INPP5D: variants seen among roughly 807,000 people sequenced by gnomAD.
The protein encoded by INPP5D is phosphatidylinositol 3,4,5-trisphosphate 5-phosphatase 1.
INPP5D carries 33 observed loss-of-function variants against 122.9 expected under a neutral mutation model. The observed-to-expected ratio is 0.27, with a 90% CI of 0.20 to 0.36. INPP5D has a LOEUF of 0.36. Among genes scored for constraint, INPP5D ranks in the 10% least tolerant of loss-of-function variants. The pLI is 1.00. For synonymous variants in INPP5D, 584 were observed against 576.2 expected (o/e 1.01, Z -0.19); for missense variants, 1,053 against 1,412.7 (o/e 0.75, Z 4.08).
intron 1 of INPP5D, among the ~76,000 whole-genome samples, chr2:233,064,661 C>T (rs1323162774): frequency 6.6e-6 from 1 of 152,162 alleles, no homozygotes; most frequent in Non-Finnish European, 1.5e-5. Context: ...AATAAAAGGG[C>T]CAGGATTGCA....
In INPP5D at chr2:233,158,031, G is replaced by A. The variant is rs145076176; in HGVS notation, c.1031-282G>A. On this transcript the variant is annotated intron_variant, in intron 9 of 26. Coordinates refer to ENST00000445964, the MANE Select transcript of INPP5D (RefSeq NM_001017915.3). ...GGAGGAAGAAGAGGAGAAGGAAGAA[G>A]AGAGAGGGGAAGGAGGGAGGCAGGG... is the stretch of plus-strand genomic sequence containing the variant. Among the ~76,000 whole-genome samples, 94 of 152,260 alleles carry A rather than the reference G, an allele frequency of 6.2e-4. 4 individuals are homozygous for A. The highest frequency in any genetic ancestry group is 2.1e-3 in the African/African-American group (88 of 41,550).
chr2:233,061,215 C>T (rs1266156308), intron 1 of INPP5D, among the ~76,000 whole-genome samples: 4 of 147,902 alleles, frequency 2.7e-5, no homozygotes, highest in Non-Finnish European at 4.5e-5. Context: ...GCTGTGACCG[C>T]TGCCCACCCC....
intron 5 of INPP5D, among the ~76,000 whole-genome samples, chr2:233,135,607 ATTTAATAT>A (rs1693447665): frequency 6.7e-6 from 1 of 149,766 alleles, no homozygotes; most frequent in Non-Finnish European, 1.5e-5. Context: ...ATTTTTAAAT[ATTTAATAT>A]TTTAATATTT....
intron 5 of INPP5D, among the ~76,000 whole-genome samples, chr2:233,135,089 T>TAA (rs56329944): frequency 0.47 from 70,300 of 148,498 alleles, 16,776 homozygotes; most frequent in African/African-American, 0.55. Flanking sequence ...ATGTATACAA[T>TAA]AAAAAAAAAA....
Position 233,188,658 on chromosome 2 carries a change from T to A in INPP5D, c.2359-1192T>A, listed in dbSNP as rs575107504. Among the ~76,000 whole-genome samples, 3 of 152,152 alleles carry A rather than the reference T, an allele frequency of 2.0e-5. No individual in the cohort carries two copies. Among genetic ancestry groups the A allele is most frequent in the African/African-American group, 7.2e-5 (3 of 41,514 alleles). ...CTCACTGCAACCTCCGCCTCCAAGG[T>A]TCAAGCGATTTGCCTGTCTCAGCCT... On this transcript the variant is annotated intron_variant, in intron 21 of 26. Transcript: ENST00000445964. This position sits in a 1 kb window ranked among gnomAD's most constrained non-coding sequence, Gnocchi z 4.7.
intron 19 of INPP5D, among the ~76,000 whole-genome samples, 175 bp downstream of exon 19, chr2:233,182,674 G>T (rs532299795): frequency 6.6e-6 from 1 of 152,164 alleles, no homozygotes; most frequent in South Asian, 2.1e-4. Context: ...GCAGTCCAGA[G>T]AATTTACTTG....
chr2:233,145,375 A>C, intron 6 of INPP5D: 1 of 455,638 alleles, frequency 2.2e-6, no homozygotes, highest in Non-Finnish European at 4.4e-6. Context: ...CCAGTGTTGC[A>C]GTACTGAACA....
rs1391856228 is a variant in INPP5D, at chr2:233,201,010, A to AAATG, written c.2975+2634_2975+2635insAATG. ...TAAATAAATAAATAAATAAATAAAT[A>AAATG]GATGAGAGGAAGTCAGGAAGAGAGA... On this transcript the variant is annotated intron_variant, in intron 25 of 26. Coordinates refer to ENST00000445964, the MANE Select transcript of INPP5D (RefSeq NM_001017915.3). Among the ~76,000 whole-genome samples, 271 of 148,966 alleles carry AAATG rather than the reference A, an allele frequency of 1.8e-3. 1 individual carries two copies. The highest frequency in any genetic ancestry group is 6.4e-3 in the African/African-American group (257 of 40,426).
At chr2:233,081,077 G>A (rs1691675524) in intron 2 of INPP5D, among the ~76,000 whole-genome samples, 4 of 152,226 alleles carry the variant, frequency 2.6e-5, no homozygotes, top group Admixed American at 2.6e-4. Flanking sequence ...CTGGCCTAGG[G>A]CGCCCGCAGG....
chr2:233,132,550 G>C (rs1489759590), intron 5 of INPP5D, among the ~76,000 whole-genome samples: 2 of 152,236 alleles, frequency 1.3e-5, no homozygotes, highest in Non-Finnish European at 2.9e-5. Flanking sequence ...CATCAGTAAG[G>C]CGACAGCCAG....
chr2:233,112,587 G>A (rs951693326), intron 2 of INPP5D, among the ~76,000 whole-genome samples: 3 of 152,224 alleles, frequency 2.0e-5, no homozygotes, highest in Admixed American at 6.5e-5. Flanking sequence ...TCTCATTGCT[G>A]TTGGAGTGTT....
intron 5 of INPP5D, among the ~76,000 whole-genome samples, chr2:233,136,150 A>G (rs897362902): frequency 1.2e-4 from 18 of 152,212 alleles, no homozygotes; most frequent in African/African-American, 3.4e-4. Context: ...TAGAGGAAAA[A>G]CCATAGCTTT....
At chr2:233,111,278 T>C (rs1692618987) in intron 2 of INPP5D, among the ~76,000 whole-genome samples, 1 of 152,152 alleles carries the variant, frequency 6.6e-6, no homozygotes, top group Non-Finnish European at 1.5e-5. Context: ...TTCGTTCAAA[T>C]GTTTTTAGTA....
Position 233,164,072 on chromosome 2 carries a change from G to A in INPP5D, c.1437+169G>A. 1 of 1,384,390 alleles carries A rather than the reference G, an allele frequency of 7.2e-7. No individual in the cohort carries two copies. The highest frequency in any genetic ancestry group is 9.5e-7 in the Non-Finnish European group (1 of 1,050,550). The allele number at this position is 1,384,390 out of a possible 1,614,324, so 85.8% of individuals were successfully genotyped here. A position where few individuals can be genotyped will look rare whatever the true frequency, so the allele number is the denominator to read the frequency against. On this transcript the variant is annotated intron_variant, in intron 12 of 26. Transcript: ENST00000445964. The surrounding 1 kb of genome is among the most constrained non-coding windows in gnomAD (Gnocchi z 4.3). Reference sequence around the variant, plus strand: ...ATTCAGAAATAAATGGGATCTGTGGGGTATTGCTGAAAACCACTGAGTCCT... The same window carrying A: ...ATTCAGAAATAAATGGGATCTGTGGAGTATTGCTGAAAACCACTGAGTCCT...
At position 233,078,092 on chromosome 2, in the gene INPP5D, C is replaced by T. The variant is rs1431161702; in HGVS notation, c.135-1243C>T. Among the ~76,000 whole-genome samples, 2 of 152,066 alleles carry T rather than the reference C, an allele frequency of 1.3e-5. No individual in the cohort carries two copies. Among genetic ancestry groups the T allele is most frequent in the African/African-American group, 4.8e-5 (2 of 41,390 alleles). On this transcript the variant is annotated intron_variant, in intron 1 of 26. Coordinates refer to ENST00000445964, the MANE Select transcript of INPP5D (RefSeq NM_001017915.3). This position sits in a 1 kb window ranked among gnomAD's most constrained non-coding sequence, Gnocchi z 4.6. ...AAGATTATGGTGGGTGAGAACAGAC[C>T]AGCAGCTTTAAGTAAGAGCCTAAGA... is the stretch of plus-strand genomic sequence containing the variant.
intron 22 of INPP5D, among the ~76,000 whole-genome samples, chr2:233,191,111 G>T (rs1282707855): frequency 6.6e-6 from 1 of 152,216 alleles, no homozygotes; most frequent in African/African-American, 2.4e-5. Context: ...ATAAAGGAAA[G>T]AGGTGTAATT....
At chr2:233,205,837 G>T (rs1403031737) in intron 26 of INPP5D, among the ~76,000 whole-genome samples, 1 of 152,052 alleles carries the variant, frequency 6.6e-6, no homozygotes, top group Non-Finnish European at 1.5e-5. Flanking sequence ...CCAGCATTTT[G>T]GGAGGCCGAG....
At chr2:233,130,383 T>C in intron 4 of INPP5D, 125 bp from the exon 5 acceptor site, 1 of 1,043,262 alleles carries the variant, frequency 9.6e-7, no homozygotes, top group South Asian at 1.7e-5. Context: ...AACATTCTTC[T>C]GAAGGACGGT....
rs1348926795 is a variant in INPP5D at position 233,189,166 on chromosome 2, G to T, written c.2359-684G>T. ...AAGCCTGTTAGCAGCCACCCCCGCTGCCAGCCAGGCCAGCAGGGCCTCTGG... is the reference window on the plus strand; with the variant it reads ...AAGCCTGTTAGCAGCCACCCCCGCTTCCAGCCAGGCCAGCAGGGCCTCTGG... On this transcript the variant is annotated intron_variant, in intron 21 of 26. Transcript: ENST00000445964. This position sits in a 1 kb window ranked among gnomAD's most constrained non-coding sequence, Gnocchi z 5.6. 6.6e-6 allele frequency among the ~76,000 whole-genome samples: 1 copy of T among 152,176 alleles called. No individual in the cohort carries two copies. The highest frequency in any genetic ancestry group is 2.4e-5 in the African/African-American group (1 of 41,442).
Sources: allele counts gnomAD v4.1 joint callset (sites outside exome capture counted in the v4.1 genomes callset), GRCh38; gene constraint gnomAD v4.1.1; non-coding constraint Gnocchi (gnomAD v3.1); transcripts MANE v1.5; gene names NCBI Gene and HGNC (gene_info 2026-07-23, HGNC 2026-07-21).